The following SNTB1 variants were observed in gnomAD, a reference collection of about 807,000 sequenced individuals.
SNTB1 encodes the protein syntrophin beta 1.
SNTB1 carries 36 observed loss-of-function variants against 48.9 expected under a neutral mutation model. That is an observed-to-expected ratio of 0.74 (90% CI 0.56 to 0.97). The LOEUF (loss-of-function observed/expected upper bound fraction) is 0.97, where lower values mean the gene tolerates loss of function less well. SNTB1 is among the 50% of genes least tolerant of loss of function. The pLI, the probability that SNTB1 is intolerant of heterozygous loss-of-function variation, is 0.00. For synonymous variants in SNTB1, 299 were observed against 294.6 expected, an observed-to-expected ratio of 1.01 and a Z score of -0.15; for missense variants, 786 against 703.4, an observed-to-expected ratio of 1.12 and a Z score of -1.33.
At chr8:120,623,055 G>C (rs1001929812) in intron 3 of SNTB1, among the ~76,000 whole-genome samples, 3 of 152,152 alleles carry the variant, frequency 2.0e-5, no homozygotes, top group Non-Finnish European at 2.9e-5. Context: ...GCTTCAGTGG[G>C]ATCAGGCTGA....
intron 3 of SNTB1, among the ~76,000 whole-genome samples, chr8:120,590,761 A>G (rs1587012596): frequency 6.8e-6 from 1 of 147,258 alleles, no homozygotes; most frequent in Non-Finnish European, 1.5e-5. Context: ...GCTCACTGCA[A>G]CCTCCACCTC....
chr8:120,588,628 G>A (rs1269271586), intron 3 of SNTB1, among the ~76,000 whole-genome samples: 2 of 152,076 alleles, frequency 1.3e-5, no homozygotes, highest in African/African-American at 2.4e-5. Context: ...ACTCAGCTTA[G>A]TTATTTTCAC....
chr8:120,587,523 T>C (rs1360879401), intron 3 of SNTB1, among the ~76,000 whole-genome samples: 2 of 152,224 alleles, frequency 1.3e-5, no homozygotes, highest in African/African-American at 4.8e-5. Context: ...ATACTTTATA[T>C]ATCCTTAGAC....
At chr8:120,715,267 G>A (rs1001781160) in intron 1 of SNTB1, among the ~76,000 whole-genome samples, 1 of 152,178 alleles carries the variant, frequency 6.6e-6, no homozygotes, top group Non-Finnish European at 1.5e-5. Context: ...GTCTCATTAA[G>A]CTCACAGTAT....
intron 1 of SNTB1, among the ~76,000 whole-genome samples, chr8:120,755,110 C>T (rs547831244): frequency 5.4e-5 from 8 of 149,408 alleles, no homozygotes; most frequent in Middle Eastern, 3.4e-3. Context: ...TGACACAGTG[C>T]GTAAATGTTG....
chr8:120,617,096 T>C (rs559386848), intron 3 of SNTB1, among the ~76,000 whole-genome samples: 1 of 152,226 alleles, frequency 6.6e-6, no homozygotes, highest in Admixed American at 6.5e-5. Context: ...ACATTATGAG[T>C]TTTTTTGCAA....
At chr8:120,651,989 G>A (rs1323525318) in intron 2 of SNTB1, among the ~76,000 whole-genome samples, 1 of 152,208 alleles carries the variant, frequency 6.6e-6, no homozygotes, top group Non-Finnish European at 1.5e-5. Flanking sequence ...GAGGGAAACT[G>A]AGTGACAGGA....
At chr8:120,647,498 A>G (rs2129698443) in intron 2 of SNTB1, among the ~76,000 whole-genome samples, 1 of 148,978 alleles carries the variant, frequency 6.7e-6, no homozygotes, top group East Asian at 2.0e-4. Context: ...CTTAATCCTG[A>G]GTTCTAGTTT....
At chr8:120,650,463 C>T (rs1415466534) in intron 2 of SNTB1, among the ~76,000 whole-genome samples, 2 of 152,056 alleles carry the variant, frequency 1.3e-5, no homozygotes, top group Admixed American at 6.6e-5. Context: ...CTACCTTCCC[C>T]CTTTTTTTCC....
intron 4 of SNTB1, among the ~76,000 whole-genome samples, chr8:120,552,523 A>G (rs1815498113): frequency 6.6e-6 from 1 of 152,010 alleles, no homozygotes; most frequent in African/African-American, 2.4e-5. Flanking sequence ...ACACCCTGTT[A>G]ATTTTTGTAT....
intron 1 of SNTB1, among the ~76,000 whole-genome samples, chr8:120,703,481 A>T (rs1818336630): frequency 6.6e-6 from 1 of 152,178 alleles, no homozygotes; most frequent in Non-Finnish European, 1.5e-5. Flanking sequence ...ATTACAGATC[A>T]AGTAGCAGAG....
chr8:120,551,186 C>T (rs1398476019), intron 4 of SNTB1, among the ~76,000 whole-genome samples: 1 of 145,792 alleles, frequency 6.9e-6, no homozygotes, highest in Admixed American at 7.1e-5. Context: ...ACCTGGGAGG[C>T]GGAGGTTGCA....
At chr8:120,624,380 A>G (rs1262696381) in intron 3 of SNTB1, among the ~76,000 whole-genome samples, 2 of 152,228 alleles carry the variant, frequency 1.3e-5, no homozygotes, top group Non-Finnish European at 2.9e-5. Context: ...GAGAGCATGC[A>G]CATGAGAGAA....
intron 1 of SNTB1, among the ~76,000 whole-genome samples, chr8:120,746,331 A>T (rs1375961147): frequency 6.6e-6 from 1 of 152,064 alleles, no homozygotes; most frequent in East Asian, 1.9e-4. Flanking sequence ...CATTGTAAAA[A>T]TACAGTACAT....
intron 1 of SNTB1, among the ~76,000 whole-genome samples, chr8:120,694,443 G>T (rs1000139329): frequency 2.0e-5 from 3 of 151,862 alleles, no homozygotes; most frequent in Non-Finnish European, 2.9e-5. Context: ...AAAATTATTT[G>T]TAAGAGCTGA....
At chr8:120,744,872 G>T (rs1819100085) in intron 1 of SNTB1, among the ~76,000 whole-genome samples, 1 of 152,020 alleles carries the variant, frequency 6.6e-6, no homozygotes, top group Non-Finnish European at 1.5e-5. Context: ...ACCATAATTT[G>T]GTAGATTTTA....
chr8:120,702,259 GCT>G (rs1440431802), intron 1 of SNTB1, among the ~76,000 whole-genome samples: 1 of 152,238 alleles, frequency 6.6e-6, no homozygotes, highest in East Asian at 1.9e-4. Flanking sequence ...ATAGGGCATT[GCT>G]CAGAAAGTGA....
intron 2 of SNTB1, among the ~76,000 whole-genome samples, chr8:120,659,273 A>G (rs1309306831): frequency 1.2e-4 from 19 of 152,050 alleles, no homozygotes; most frequent in Non-Finnish European, 2.1e-4. Flanking sequence ...TATTTTATGT[A>G]ATATTCTAAA....
intron 1 of SNTB1, among the ~76,000 whole-genome samples, chr8:120,770,813 C>CA (rs986820898): frequency 6.6e-6 from 1 of 151,398 alleles, no homozygotes; most frequent in Non-Finnish European, 1.5e-5. Context: ...AACTCTGTCT[C>CA]AAAAAAAAAT....
Sources: gnomAD v4.1 joint callset for allele counts (sites outside exome capture counted in the v4.1 genomes callset) on GRCh38, gnomAD v4.1.1 for gene constraint, MANE v1.5 for transcripts, NCBI Gene and HGNC (gene_info 2026-07-23, HGNC 2026-07-21) for gene names.